Variants in TMEM178B observed in about 807,000 individuals in gnomAD.
The protein encoded by TMEM178B is transmembrane protein 178B.
A neutral mutation model predicts 31.0 loss-of-function variants in TMEM178B; 5 were observed. That is an observed-to-expected ratio of 0.16 (90% CI 0.08 to 0.34). The LOEUF (loss-of-function observed/expected upper bound fraction) is 0.34. Among genes scored for constraint, TMEM178B ranks in the 10% least tolerant of loss-of-function variants. The pLI is 1.00. For missense variants in TMEM178B, 275 were observed against 400.3 expected (o/e 0.69, Z 2.67); for synonymous variants, 164 against 164.0 (o/e 1.00, Z 0.00).
intron 2 of TMEM178B, among the ~76,000 whole-genome samples, chr7:141,317,748 G>A (rs1415392851): frequency 6.6e-6 from 1 of 152,206 alleles, no homozygotes; most frequent in African/African-American, 2.4e-5. Context: ...GATCCAGAGT[G>A]AGTTAGAACA....
intron 2 of TMEM178B, among the ~76,000 whole-genome samples, chr7:141,238,384 C>T (rs1797563075): frequency 6.6e-6 from 1 of 152,130 alleles, no homozygotes; most frequent in Non-Finnish European, 1.5e-5. Flanking sequence ...CTTCGGGAGC[C>T]TGGAAGATTG....
chr7:141,279,171 T>C (rs1006210370), intron 2 of TMEM178B, among the ~76,000 whole-genome samples: 1 of 152,152 alleles, frequency 6.6e-6, no homozygotes, highest in Non-Finnish European at 1.5e-5. Flanking sequence ...AGGAATGCTT[T>C]TCTGCAGTCT....
chr7:141,089,351 AG>A (rs988732064), intron 1 of TMEM178B, among the ~76,000 whole-genome samples: 1 of 152,206 alleles, frequency 6.6e-6, no homozygotes, highest in African/African-American at 2.4e-5. Context: ...TTCCAGACAA[AG>A]GAAGAATCAT....
intron 1 of TMEM178B, among the ~76,000 whole-genome samples, chr7:141,100,280 T>G (rs1795033520): frequency 6.6e-6 from 1 of 152,110 alleles, no homozygotes; most frequent in Non-Finnish European, 1.5e-5. Flanking sequence ...ATAATATAGC[T>G]GGATTGGGAA....
chr7:141,352,387 T>A (rs1266448955), intron 2 of TMEM178B: 1 of 152,288 alleles, frequency 6.6e-6, no homozygotes, highest in African/African-American at 2.4e-5. Flanking sequence ...ATTTTTTTTT[T>A]TTTTTTTTGA....
chr7:141,431,854 A>C (rs1352231929), intron 2 of TMEM178B, among the ~76,000 whole-genome samples: 1 of 152,224 alleles, frequency 6.6e-6, no homozygotes, highest in Non-Finnish European at 1.5e-5. Context: ...TCACAAAGAA[A>C]TAAAAAGGCA....
intron 1 of TMEM178B, among the ~76,000 whole-genome samples, chr7:141,095,318 C>T (rs2129172796): frequency 6.6e-6 from 1 of 152,270 alleles, no homozygotes; most frequent in Middle Eastern, 3.4e-3. Flanking sequence ...GTGAGAAATG[C>T]CATTTAGTTC....
chr7:141,143,889 A>C (rs10230351), intron 1 of TMEM178B, among the ~76,000 whole-genome samples: 9,359 of 152,134 alleles, frequency 0.062, 948 homozygotes, highest in African/African-American at 0.21. Context: ...CCTATGATTT[A>C]TTTCAGCAGT....
intron 2 of TMEM178B, among the ~76,000 whole-genome samples, chr7:141,390,028 C>T (rs1211221960): frequency 1.3e-5 from 2 of 152,136 alleles, no homozygotes; most frequent in East Asian, 1.9e-4. Flanking sequence ...CAAGCAATTA[C>T]CACTAAGGGA....
chr7:141,445,771 C>G (rs111387226), intron 3 of TMEM178B, among the ~76,000 whole-genome samples: 1 of 152,170 alleles, frequency 6.6e-6, no homozygotes, highest in Non-Finnish European at 1.5e-5. Context: ...AGAGAAGTAT[C>G]TGTGAGCTAT....
intron 3 of TMEM178B, among the ~76,000 whole-genome samples, chr7:141,452,913 G>T (rs1801894352): frequency 6.6e-6 from 1 of 152,138 alleles, no homozygotes; most frequent in Admixed American, 6.5e-5. Flanking sequence ...CCCCAGCCTG[G>T]GGTTGAATGT....
At chr7:141,135,740 A>G (rs1795665455) in intron 1 of TMEM178B, among the ~76,000 whole-genome samples, 1 of 152,146 alleles carries the variant, frequency 6.6e-6, no homozygotes, top group Admixed American at 6.5e-5. Flanking sequence ...AGCAGTTCTA[A>G]GAGGGAAGCT....
intron 2 of TMEM178B, among the ~76,000 whole-genome samples, chr7:141,337,044 CCACCAT>C (rs1799418826): frequency 1.4e-5 from 1 of 70,688 alleles, no homozygotes; most frequent in Non-Finnish European, 2.6e-5. Flanking sequence ...ACCACCACCA[CCACCAT>C]CACCACCACC....
At position 141,473,767 on chromosome 7, in the gene TMEM178B, C is replaced by G. The variant is rs1039689935; in HGVS notation, c.*2981C>G. 2.0e-5 allele frequency: 3 copies of G among 152,210 alleles called. No homozygotes were observed. Among genetic ancestry groups the G allele is most frequent in the African/African-American group, 7.2e-5 (3 of 41,438 alleles). The allele number at this position is 152,210 out of a possible 1,614,324, so 9.4% of individuals were successfully genotyped here. Reference sequence around the variant, plus strand: ...TGATCCTGCTGGGAAGCAAAAGACGCCCAGCCACATGACCAGGATAGAGGC... The same window carrying G: ...TGATCCTGCTGGGAAGCAAAAGACGGCCAGCCACATGACCAGGATAGAGGC... On this transcript the variant is annotated 3_prime_UTR_variant, in exon 4 of 4. Transcript: ENST00000565468.
intron 1 of TMEM178B, among the ~76,000 whole-genome samples, chr7:141,200,873 T>C (rs1796865125): frequency 2.0e-5 from 3 of 152,088 alleles, no homozygotes; most frequent in Non-Finnish European, 2.9e-5. Context: ...GTGTGTGTGT[T>C]TGGGTAGAGT....
intron 2 of TMEM178B, 38 bp downstream of exon 2, chr7:141,212,742 GT>G: frequency 6.8e-7 from 1 of 1,477,518 alleles, no homozygotes; most frequent in Non-Finnish European, 9.1e-7. Flanking sequence ...TGACTGTGCT[GT>G]GAGGTCCCCT....
At chr7:141,118,609 A>C (rs1422576729) in intron 1 of TMEM178B, among the ~76,000 whole-genome samples, 1 of 152,228 alleles carries the variant, frequency 6.6e-6, no homozygotes, top group East Asian at 1.9e-4. Context: ...TGCTCGTTAG[A>C]GTCCTGTGCA....
chr7:141,218,966 T>C (rs1279745637), intron 2 of TMEM178B, among the ~76,000 whole-genome samples: 3 of 152,218 alleles, frequency 2.0e-5, no homozygotes, highest in Non-Finnish European at 4.4e-5. Flanking sequence ...GGGAGCTGCC[T>C]AGACACCTGG....
At chr7:141,160,304 C>A (rs889420586) in intron 1 of TMEM178B, among the ~76,000 whole-genome samples, 13 of 152,082 alleles carry the variant, frequency 8.5e-5, no homozygotes, top group African/African-American at 3.1e-4. Context: ...AACTCACCAG[C>A]CTCCCATGCT....
Sources: gnomAD v4.1 joint callset for allele counts (sites outside exome capture counted in the v4.1 genomes callset) on GRCh38, gnomAD v4.1.1 for gene constraint, MANE v1.5 for transcripts, NCBI Gene and HGNC (gene_info 2026-07-23, HGNC 2026-07-21) for gene names.